SBNO1: variants seen among roughly 807,000 people sequenced by gnomAD.
The protein encoded by SBNO1 is protein strawberry notch homolog 1.
In SBNO1, 23 loss-of-function variants were observed where a neutral mutation model predicts 173.6. The observed-to-expected ratio is 0.13, with a 90% CI of 0.10 to 0.19. The LOEUF is 0.19. SBNO1 is among the 10% of genes least tolerant of loss of function. The pLI, the probability that SBNO1 is intolerant of heterozygous loss-of-function variation, is 1.00. For synonymous variants in SBNO1, 632 were observed against 571.5 expected, an observed-to-expected ratio of 1.11 and a Z score of -1.51; for missense variants, 1,238 against 1,671.2, an observed-to-expected ratio of 0.74 and a Z score of 4.52.
intron 28 of SBNO1, among the ~76,000 whole-genome samples, chr12:123,307,442 T>G (rs1341208789): frequency 6.6e-6 from 1 of 152,096 alleles, no homozygotes; most frequent in Non-Finnish European, 1.5e-5. Context: ...TATCAGACCT[T>G]CATAGAAAAA....
intron 1 of SBNO1, among the ~76,000 whole-genome samples, chr12:123,351,131 A>G (rs9669069): frequency 0.95 from 144,295 of 151,868 alleles, 68,681 homozygotes; most frequent in Non-Finnish European, 0.96. Context: ...CAAAAAAAAA[A>G]AAAAAGAAAA....
Position 123,320,516 on chromosome 12 carries a change from C to G in SBNO1, c.2583G>C (p.Lys861Asn), listed in dbSNP as rs758567991. The change falls in exon 19 of 32, where the codon AAG (lysine) becomes AAC (asparagine). Residue 861 changes from lysine to asparagine, a missense_variant. Physicochemically the swap from Lys to Asn is moderately conservative, Grantham distance 94 (BLOSUM62 0). Transcript: ENST00000602398. ...GGAGGTCTTCAGCTAATTTTTCTAG[C>G]TTATCAAGCAGGTCTTTCTTCATCT... ...AQQMKKDLLD[K>N]LEKLAEDLPP... is the part of the protein sequence containing the mutation. 2.5e-6 allele frequency: 4 copies of G among 1,613,956 alleles called. No homozygotes were observed. The highest frequency in any genetic ancestry group is 3.4e-6 in the Non-Finnish European group (4 of 1,180,002).
chr12:123,325,709 A>G (rs1030658395), intron 14 of SBNO1, 110 bp from the exon 15 acceptor site: 1 of 764,350 alleles, frequency 1.3e-6, no homozygotes, highest in Admixed American at 2.3e-5. Flanking sequence ...GAATGTCCTC[A>G]TTATTATAAA....
At chr12:123,303,398 C>T (rs976373406) in intron 29 of SBNO1, among the ~76,000 whole-genome samples, 1 of 152,164 alleles carries the variant, frequency 6.6e-6, no homozygotes, top group African/African-American at 2.4e-5. Flanking sequence ...ATAATCCCAG[C>T]ACTTTGGGAG....
rs778410626 is a variant in SBNO1 at position 123,319,972 on chromosome 12, T to C, written c.2727A>G (p.Ser909=). The C allele has an allele frequency of 1.9e-6, 3 of 1,613,974 alleles. No homozygotes were observed. Among genetic ancestry groups the C allele is most frequent in the Non-Finnish European group, 2.5e-6 (3 of 1,179,960 alleles). ...CCACAGGCACATCAAGTTCAGATCT[T>C]GACTCATAAGATATGCTTCCATCAT... ...SNDDGSISYE[S]RSELDVPVEI... is the part of the protein sequence containing the mutation. The change falls in exon 20 of 32, where the codon TCA becomes TCG. Residue 909 remains serine, a synonymous_variant. Transcript: ENST00000602398.
intron 29 of SBNO1, among the ~76,000 whole-genome samples, chr12:123,303,613 C>T (rs561734964): frequency 6.6e-6 from 1 of 151,780 alleles, no homozygotes; most frequent in South Asian, 2.1e-4. Context: ...CGCGCCACTA[C>T]ACTCCCAGCC....
chr12:123,336,458 C>G lies in SBNO1; in HGVS notation c.685G>C (p.Glu229Gln). Residue 229 changes from glutamate (E) to glutamine (Q), a missense_variant, in exon 6 of 32, where the codon GAG becomes CAG. Physicochemically the swap from Glu to Gln is conservative, Grantham distance 29 (BLOSUM62 2). Transcript: ENST00000602398. The part of the protein sequence containing the change: ...VPVVKEDDEP[E>Q]EEDEEEMGHA... ...CCCATTTCTTCTTCATCTTCTTCCT[C>G]TGGTTCATCATCTTCTTTTACAACA... is the stretch of plus-strand genomic sequence containing the variant. 6.2e-7 allele frequency: 1 copy of G among 1,612,934 alleles called. No individual in the cohort carries two copies. Among genetic ancestry groups the G allele is most frequent in the Non-Finnish European group, 8.5e-7 (1 of 1,179,404 alleles).
chr12:123,322,015 G>A (rs1418447023), intron 16 of SBNO1, among the ~76,000 whole-genome samples: 1 of 152,160 alleles, frequency 6.6e-6, no homozygotes, highest in East Asian at 1.9e-4. Flanking sequence ...GGACAACAGA[G>A]TAAAAGCAGA....
At position 123,361,943 on chromosome 12, in the gene SBNO1, A is replaced by C. The variant is rs530774919; in HGVS notation, c.-1+2758T>G. Among the ~76,000 whole-genome samples the C allele has an allele frequency of 9.8e-4, 148 of 150,858 alleles. 1 individual carries two copies. The highest frequency in any genetic ancestry group is 3.5e-3 in the African/African-American group (144 of 40,980). ...ATCACCAGGTCAGGAGTTTGAGACC[A>C]GCCTGGCCAATATGGTGAAACCCCG... On this transcript the variant is annotated intron_variant, in intron 1 of 31. Coordinates refer to ENST00000602398, the MANE Select transcript of SBNO1 (RefSeq NM_001167856.3).
chr12:123,320,913 T>C, intron 17 of SBNO1, 47 bp from the exon 18 acceptor site: 2 of 1,375,100 alleles, frequency 1.5e-6, no homozygotes, highest in South Asian at 2.8e-5. Flanking sequence ...TTAAAACAAG[T>C]ACAGAATCTT....
At chr12:123,346,902 AC>A (rs1033462708) in intron 3 of SBNO1, among the ~76,000 whole-genome samples, 1 of 151,176 alleles carries the variant, frequency 6.6e-6, no homozygotes, top group African/African-American at 2.4e-5. Context: ...ACATGGTAAA[AC>A]CCTGTCTCTA....
chr12:123,296,760 G>A lies in SBNO1; in HGVS notation c.4040-710C>T, dbSNP rs138455715. Reference sequence around the variant, plus strand: ...ATTTTTAGTAGAGACAGGGTTTCACGATGTTGGCCAGGATGATCTCGATCT... The same window carrying A: ...ATTTTTAGTAGAGACAGGGTTTCACAATGTTGGCCAGGATGATCTCGATCT... On this transcript the variant is annotated intron_variant, in intron 31 of 31. Coordinates refer to ENST00000602398, the MANE Select transcript of SBNO1 (RefSeq NM_001167856.3). Among the ~76,000 whole-genome samples the A allele has an allele frequency of 6.6e-3, 998 of 151,850 alleles. 11 individuals are homozygous for A. Among genetic ancestry groups the A allele is most frequent in the African/African-American group, 0.023 (943 of 41,448 alleles).
intron 5 of SBNO1, among the ~76,000 whole-genome samples, chr12:123,339,142 G>C (rs1402068737): frequency 1.3e-5 from 2 of 152,158 alleles, no homozygotes; most frequent in Non-Finnish European, 1.5e-5. Context: ...GGTACCGCCA[G>C]TAGCACTATT....
At chr12:123,325,738 T>G (rs1393573275) in intron 14 of SBNO1, 139 bp from the exon 15 acceptor site, 1 of 682,400 alleles carries the variant, frequency 1.5e-6, no homozygotes, top group Non-Finnish European at 2.5e-6. Flanking sequence ...TTGTTTTACT[T>G]ATTTCTTCTA....
intron 31 of SBNO1, among the ~76,000 whole-genome samples, chr12:123,296,932 A>G (rs951766571): frequency 1.3e-5 from 2 of 151,254 alleles, no homozygotes; most frequent in African/African-American, 2.4e-5. Flanking sequence ...CCTGGACTCC[A>G]GCAATCCTCC....
Position 123,290,105 on chromosome 12 carries a change from T to A in SBNO1, c.*5803A>T, listed in dbSNP as rs980486355. The A allele has an allele frequency of 6.6e-6, 1 of 152,262 alleles. No homozygotes were observed. The highest frequency in any genetic ancestry group is 2.4e-5 in the African/African-American group (1 of 41,468). 9.4% of individuals were successfully genotyped at this position (152,262 alleles called of 1,614,324 possible). Reference sequence around the variant, plus strand: ...CTTAGCCCTGCACTAAGGGGCAGTCTTGCTGGACGGTGCCCTGCCACGTTG... The same window carrying A: ...CTTAGCCCTGCACTAAGGGGCAGTCATGCTGGACGGTGCCCTGCCACGTTG... On this transcript the variant is annotated 3_prime_UTR_variant, in exon 32 of 32. Transcript: ENST00000602398.
At chr12:123,330,566 G>T in intron 8 of SBNO1, 57 bp from the exon 9 acceptor site, 1 of 881,686 alleles carries the variant, frequency 1.1e-6, no homozygotes, top group Non-Finnish European at 1.7e-6. Flanking sequence ...CTAGAATTCA[G>T]GAATAAAATT....
In SBNO1 at chr12:123,292,394, A is replaced by T. The variant is rs1055327265; in HGVS notation, c.*3514T>A. 6.6e-6 allele frequency: 1 copy of T among 152,192 alleles called. No individual in the cohort carries two copies. Among genetic ancestry groups the T allele is most frequent in the Non-Finnish European group, 1.5e-5 (1 of 68,040 alleles). 9.4% of individuals were successfully genotyped at this position (152,192 alleles called of 1,614,324 possible). On this transcript the variant is annotated 3_prime_UTR_variant, in exon 32 of 32. Transcript: ENST00000602398. ...CTACTTCCATGAAGTGAGATGCAAC[A>T]ATCATTTCCAATCTATTTTTTTATC...
chr12:123,350,180 G>C (rs1387408478), intron 2 of SBNO1, 130 bp downstream of exon 2: 1 of 1,005,124 alleles, frequency 9.9e-7, no homozygotes, highest in Admixed American at 2.3e-5. Context: ...TTTGAGCCTG[G>C]GAGGTTGAGG....
Sources: allele counts gnomAD v4.1 joint callset (sites outside exome capture counted in the v4.1 genomes callset), GRCh38; gene constraint gnomAD v4.1.1; transcripts MANE v1.5; gene names NCBI Gene and HGNC (gene_info 2026-07-23, HGNC 2026-07-21).